KCNJ15: variants seen among roughly 807,000 people sequenced by gnomAD.
The protein encoded by KCNJ15 is ATP-sensitive inward rectifier potassium channel 15.
Under a neutral mutation model 23.0 loss-of-function variants are expected in KCNJ15, and 14 were observed. The ratio of observed to expected loss-of-function variants is 0.61; its 90% CI spans 0.40 to 0.95. KCNJ15 has a LOEUF of 0.95. Among genes scored for constraint, KCNJ15 ranks in the 40% least tolerant of loss-of-function variants. KCNJ15 has a pLI of 0.00. For synonymous variants in KCNJ15, 185 were observed against 183.2 expected (o/e 1.01, Z -0.08); for missense variants, 388 against 461.8 (o/e 0.84, Z 1.46).
Position 38,303,971 on chromosome 21 carries a change from C to G in KCNJ15, c.*3582C>G, listed in dbSNP as rs1444829231. On this transcript the variant is annotated 3_prime_UTR_variant, in exon 3 of 3. Transcript: ENST00000398938. ...ATGTTCAAAATGTCAGACATTTGAC[C>G]ACATGGCACAGTGAATACTCTCACG... 6.6e-6 allele frequency: 1 copy of G among 151,960 alleles called. No homozygotes were observed. The highest frequency in any genetic ancestry group is 1.5e-5 in the Non-Finnish European group (1 of 68,000). The allele number at this position is 151,960 out of a possible 1,614,324, so 9.4% of individuals were successfully genotyped here. A position where few individuals can be genotyped will look rare whatever the true frequency, so the allele number is the denominator to read the frequency against.
intron 1 of KCNJ15, among the ~76,000 whole-genome samples, chr21:38,249,376 T>TACAGCAGCAGAAGATTTCAGAAGGG (rs1375148888): frequency 1.4e-4 from 21 of 152,170 alleles, no homozygotes; most frequent in African/African-American, 3.6e-4. Flanking sequence ...TGCTGCCTAC[T>TACAGCAGCAGAAGATTTCAGAAGGG]AAGTACACAC....
Position 38,306,583 on chromosome 21 carries a change from C to T in KCNJ15, c.*6194C>T, listed in dbSNP as rs1220704537. 4 of 152,066 alleles carry T rather than the reference C, an allele frequency of 2.6e-5. No individual in the cohort carries two copies. The highest frequency in any genetic ancestry group is 2.1e-4 in the South Asian group (1 of 4,826). The allele number at this position is 152,066 out of a possible 1,614,324, so 9.4% of individuals were successfully genotyped here. A position where few individuals can be genotyped will look rare whatever the true frequency, so the allele number is the denominator to read the frequency against. Reference sequence around the variant, plus strand: ...AATCAAATCTCAGGATTAAGGATGTCGTATTACATCAAATCATTACAGGAA... The same window carrying T: ...AATCAAATCTCAGGATTAAGGATGTTGTATTACATCAAATCATTACAGGAA... On this transcript the variant is annotated 3_prime_UTR_variant, in exon 3 of 3. Coordinates refer to ENST00000398938, the MANE Select transcript of KCNJ15 (RefSeq NM_170736.3).
At chr21:38,269,312 C>CT (rs1021656883) in intron 1 of KCNJ15, among the ~76,000 whole-genome samples, 22 of 151,504 alleles carry the variant, frequency 1.5e-4, no homozygotes, top group African/African-American at 3.9e-4. Context: ...AACTTTCAAG[C>CT]TTTTTTTTTA....
intron 1 of KCNJ15, among the ~76,000 whole-genome samples, chr21:38,274,577 A>G (rs1982457228): frequency 6.6e-6 from 1 of 152,152 alleles, no homozygotes; most frequent in African/African-American, 2.4e-5. Flanking sequence ...GTGATGGGTA[A>G]ATACATGTGC....
intron 1 of KCNJ15, among the ~76,000 whole-genome samples, chr21:38,278,994 G>A (rs1983039201): frequency 1.3e-5 from 2 of 152,322 alleles, no homozygotes; most frequent in South Asian, 2.1e-4. Context: ...TCAATTATGA[G>A]CCTGTGCTGT....
rs543096995 is a variant in KCNJ15, at chr21:38,304,662, C to CTTTTTTTTTTTTTTTTTTTT, written c.*4285_*4304dup. The CTTTTTTTTTTTTTTTTTTTT allele has an allele frequency of 3.4e-4, 19 of 56,054 alleles. 5 individuals are homozygous for CTTTTTTTTTTTTTTTTTTTT. Among genetic ancestry groups the CTTTTTTTTTTTTTTTTTTTT allele is most frequent in the Admixed American group, 1.2e-3 (4 of 3,472 alleles). The allele number at this position is 56,054 out of a possible 1,614,324, so 3.5% of individuals were successfully genotyped here. Reference sequence around the variant, plus strand: ...TTACCCTTTGTAAACTTCAATTTATCTTTTTTTTTTTTTTTTTTTTTTTTT... The same window carrying CTTTTTTTTTTTTTTTTTTTT: ...TTACCCTTTGTAAACTTCAATTTATCTTTTTTTTTTTTTTTTTTTTTTTTTTTTTTTTTTTTTTTTTTTTT... On this transcript the variant is annotated 3_prime_UTR_variant, in exon 3 of 3. Transcript: ENST00000398938.
intron 1 of KCNJ15, among the ~76,000 whole-genome samples, chr21:38,233,160 T>G (rs1447938811): frequency 1.3e-5 from 2 of 152,044 alleles, no homozygotes; most frequent in Non-Finnish European, 2.9e-5. Context: ...TTATAATTAT[T>G]ACCTTTTTCT....
At chr21:38,289,423 G>T (rs1984347850) in intron 1 of KCNJ15, among the ~76,000 whole-genome samples, 1 of 152,004 alleles carries the variant, frequency 6.6e-6, no homozygotes, top group South Asian at 2.1e-4. Flanking sequence ...GCCTGTTGAA[G>T]AAATCTCTTT....
chr21:38,245,851 G>A (rs555976048), intron 1 of KCNJ15, among the ~76,000 whole-genome samples: 24 of 152,234 alleles, frequency 1.6e-4, no homozygotes, highest in Admixed American at 5.2e-4. Flanking sequence ...CATTAGTTCA[G>A]CCCAGTTAAC....
chr21:38,294,863 A>G (rs934975742), intron 1 of KCNJ15, among the ~76,000 whole-genome samples: 2 of 152,240 alleles, frequency 1.3e-5, no homozygotes, highest in African/African-American at 4.8e-5. Context: ...GGTTTGAAGT[A>G]GGAGAAAGTA....
chr21:38,281,607 C>A (rs1983351966), intron 1 of KCNJ15, among the ~76,000 whole-genome samples: 1 of 152,148 alleles, frequency 6.6e-6, no homozygotes, highest in Admixed American at 6.5e-5. Context: ...TGATTTAATT[C>A]TTTTTTATGG....
rs781086925 is a variant in KCNJ15, at chr21:38,299,703, G to A, written c.442G>A (p.Ala148Thr). 1.2e-6 allele frequency: 2 copies of A among 1,614,092 alleles called. No homozygotes were observed. Among genetic ancestry groups the A allele is most frequent in the Non-Finnish European group, 1.7e-6 (2 of 1,180,026 alleles). The change falls in exon 3 of 3, where the codon GCT (alanine) becomes ACT (threonine). Residue 148 changes from alanine (A) to threonine (T), a missense_variant. Physicochemically the swap from Ala to Thr is moderately conservative, Grantham distance 58. Coordinates refer to ENST00000398938, the MANE Select transcript of KCNJ15 (RefSeq NM_170736.3). The surrounding 1 kb of genome is among the most constrained non-coding windows in gnomAD (Gnocchi z 4.5). ...ECPHAIFLLV[A>T]QLVITTLIEI... ...TCCTCATGCCATCTTCCTGTTGGTTGCTCAGTTGGTCATCACGACCTTGAT... is the reference window on the plus strand; with the variant it reads ...TCCTCATGCCATCTTCCTGTTGGTTACTCAGTTGGTCATCACGACCTTGAT...
At chr21:38,298,347 ATAGATTTCTTCT>A (rs1445704273) in intron 2 of KCNJ15, 1 of 152,196 alleles carries the variant, frequency 6.6e-6, no homozygotes, top group East Asian at 1.9e-4. Flanking sequence ...GCTCTTTAAA[ATAGATTTCTTCT>A]GCTGGTTCTG....
chr21:38,260,905 G>A (rs1980818183), intron 1 of KCNJ15, among the ~76,000 whole-genome samples: 1 of 152,118 alleles, frequency 6.6e-6, no homozygotes, highest in South Asian at 2.1e-4. Flanking sequence ...AGCCAAGCAG[G>A]GCCTCTCGTA....
At chr21:38,246,352 G>A (rs1347671652) in intron 1 of KCNJ15, among the ~76,000 whole-genome samples, 2 of 152,186 alleles carry the variant, frequency 1.3e-5, no homozygotes, top group African/African-American at 2.4e-5. Context: ...ATCAGATCCA[G>A]GAGTATTGGT....
chr21:38,240,297 T>A (rs1032102043), intron 1 of KCNJ15, among the ~76,000 whole-genome samples: 1 of 152,224 alleles, frequency 6.6e-6, no homozygotes, highest in Non-Finnish European at 1.5e-5. Context: ...GTTCATCAAG[T>A]CTAGACCTTC....
intron 1 of KCNJ15, among the ~76,000 whole-genome samples, chr21:38,262,509 A>G (rs1981018707): frequency 6.6e-6 from 1 of 152,162 alleles, no homozygotes; most frequent in Non-Finnish European, 1.5e-5. Context: ...AGGCTATCCC[A>G]ATGTCAACAA....
At chr21:38,241,852 C>G (rs9305638) in intron 1 of KCNJ15, among the ~76,000 whole-genome samples, 59,460 of 151,280 alleles carry the variant, frequency 0.39, 13,218 homozygotes, top group East Asian at 0.75. Context: ...ACCTGTAATC[C>G]CAGCTACTTG....
chr21:38,238,368 C>T (rs981817434), intron 1 of KCNJ15: 2 of 717,530 alleles, frequency 2.8e-6, no homozygotes, highest in East Asian at 2.8e-5. Flanking sequence ...ACAGGAAACT[C>T]GAGGGGTCCC....
Sources: gnomAD v4.1 joint callset for allele counts (sites outside exome capture counted in the v4.1 genomes callset) on GRCh38, gnomAD v4.1.1 for gene constraint, Gnocchi (gnomAD v3.1) non-coding constraint, MANE v1.5 for transcripts, NCBI Gene and HGNC (gene_info 2026-07-23, HGNC 2026-07-21) for gene names.